The following PTGER3 variants were observed in gnomAD, a reference collection of about 807,000 sequenced individuals.
The protein encoded by PTGER3 is prostaglandin E receptor 3, also known as prostaglandin E2 receptor EP3 subtype.
A neutral mutation model predicts 34.7 loss-of-function variants in PTGER3; 22 were observed. The observed-to-expected ratio is 0.63, with a 90% CI of 0.45 to 0.91. The LOEUF (loss-of-function observed/expected upper bound fraction) is 0.91, where lower values mean the gene tolerates loss of function less well. PTGER3 is among the 40% of genes least tolerant of loss of function. The pLI, the probability that PTGER3 is intolerant of heterozygous loss-of-function variation, is 0.00. For synonymous variants in PTGER3, 241 were observed against 230.1 expected (o/e 1.05, Z -0.43); for missense variants, 468 against 519.4 (o/e 0.90, Z 0.96).
At chr1:70,903,484 T>C (rs1646882614) in intron 4 of PTGER3, among the ~76,000 whole-genome samples, 1 of 152,198 alleles carries the variant, frequency 6.6e-6, no homozygotes, top group South Asian at 2.1e-4. Context: ...TAGGTAGCTA[T>C]TATGGTTTCT....
At chr1:70,961,594 A>G (rs924664684) in intron 2 of PTGER3, among the ~76,000 whole-genome samples, 1 of 152,098 alleles carries the variant, frequency 6.6e-6, no homozygotes, top group Non-Finnish European at 1.5e-5. Context: ...ACTCTTTCTT[A>G]TCATACAACA....
chr1:70,865,684 C>G, intron 4 of PTGER3: 1 of 1,366,246 alleles, frequency 7.3e-7, no homozygotes, highest in South Asian at 1.1e-5. Context: ...GGAGTCTTTA[C>G]TTACTAAGAA....
chr1:70,864,889 C>A (rs1165609512), intron 4 of PTGER3, among the ~76,000 whole-genome samples: 2 of 152,260 alleles, frequency 1.3e-5, no homozygotes, highest in Non-Finnish European at 2.9e-5. Flanking sequence ...TTTTTCCTAA[C>A]TCCTAAGCTA....
At chr1:70,968,535 C>A (rs1227541469), downstream of PTGER3, among the ~76,000 whole-genome samples, 1 of 151,858 alleles carries the variant, frequency 6.6e-6, no homozygotes, top group African/African-American at 2.4e-5. Flanking sequence ...TGTTAAAAAC[C>A]AGTGTTTTGC....
intron 2 of PTGER3, among the ~76,000 whole-genome samples, chr1:70,963,570 T>A (rs575646284): frequency 8.5e-5 from 13 of 152,310 alleles, no homozygotes; most frequent in African/African-American, 3.1e-4. Flanking sequence ...GCCCAGGGCC[T>A]GCGCCCTCCG....
intron 4 of PTGER3, among the ~76,000 whole-genome samples, chr1:70,923,065 T>G (rs1647702821): frequency 6.6e-6 from 1 of 152,202 alleles, no homozygotes; most frequent in African/African-American, 2.4e-5. Context: ...CTGATTAAGA[T>G]TGAATATATT....
chr1:70,906,232 A>C (rs1646945331), intron 4 of PTGER3, among the ~76,000 whole-genome samples: 1 of 152,228 alleles, frequency 6.6e-6, no homozygotes, highest in Admixed American at 6.5e-5. Context: ...GCGTGAAAGC[A>C]GACTAATACA....
chr1:70,991,325 C>T (rs913610110), intron 2 of PTGER3, among the ~76,000 whole-genome samples: 3 of 152,174 alleles, frequency 2.0e-5, no homozygotes, highest in Non-Finnish European at 4.4e-5. Context: ...CCACTATCCC[C>T]GAGGCTGACT....
chr1:70,991,570 C>T (rs1467739532), intron 2 of PTGER3, among the ~76,000 whole-genome samples: 1 of 152,160 alleles, frequency 6.6e-6, no homozygotes, highest in Non-Finnish European at 1.5e-5. Context: ...CATTCCGTGC[C>T]TCAGTCTCTG....
chr1:70,866,840 G>C (rs573288962), intron 4 of PTGER3, among the ~76,000 whole-genome samples: 41 of 152,278 alleles, frequency 2.7e-4, no homozygotes, highest in African/African-American at 9.6e-4. Context: ...CAGGCAGCGG[G>C]ATAGGGGGTG....
chr1:70,920,005 G>A (rs1647374944), intron 4 of PTGER3, among the ~76,000 whole-genome samples: 1 of 152,082 alleles, frequency 6.6e-6, no homozygotes, highest in South Asian at 2.1e-4. Flanking sequence ...ACTGGGGCAA[G>A]CCTGGCTCAC....
chr1:71,030,710 C>T (rs752572238), intron 1 of PTGER3, among the ~76,000 whole-genome samples: 1 of 152,128 alleles, frequency 6.6e-6, no homozygotes, highest in African/African-American at 2.4e-5. Flanking sequence ...TCACCTTCTA[C>T]GGGATTTTTC....
chr1:70,921,713 T>G (rs1300718621), intron 4 of PTGER3, among the ~76,000 whole-genome samples: 1 of 152,168 alleles, frequency 6.6e-6, no homozygotes, highest in Non-Finnish European at 1.5e-5. Context: ...TGTATGTCCT[T>G]GGGAGCTTGA....
intron 4 of PTGER3, among the ~76,000 whole-genome samples, chr1:70,924,296 C>T (rs1022616566): frequency 6.6e-6 from 1 of 152,052 alleles, no homozygotes; most frequent in Non-Finnish European, 1.5e-5. Flanking sequence ...TATAATAAAG[C>T]AAATCAATCT....
At chr1:70,855,759 T>C (rs1167422899) in intron 4 of PTGER3, among the ~76,000 whole-genome samples, 1 of 152,184 alleles carries the variant, frequency 6.6e-6, no homozygotes, top group East Asian at 1.9e-4. Context: ...GTAATAGCAG[T>C]AGCCAACTGG....
At chr1:71,028,574 T>C (rs1224212995) in intron 1 of PTGER3, among the ~76,000 whole-genome samples, 5 of 152,212 alleles carry the variant, frequency 3.3e-5, no homozygotes, top group African/African-American at 1.2e-4. Flanking sequence ...TGTTTTTTAT[T>C]TTTTACTATG....
chr1:70,854,511 G>A (rs1345532126), intron 4 of PTGER3, among the ~76,000 whole-genome samples: 1 of 152,162 alleles, frequency 6.6e-6, no homozygotes, highest in Admixed American at 6.5e-5. Context: ...GGCCTGGTGG[G>A]AGATGATTGC....
intron 4 of PTGER3, among the ~76,000 whole-genome samples, chr1:70,894,627 T>C (rs543571815): frequency 6.6e-6 from 1 of 152,214 alleles, no homozygotes; most frequent in Non-Finnish European, 1.5e-5. Context: ...AATGAAGTGC[T>C]ATTATGGATA....
intron 2 of PTGER3, chr1:71,005,817 G>C: frequency 1.1e-6 from 1 of 948,222 alleles, no homozygotes; most frequent in Non-Finnish European, 1.3e-6. Context: ...TTACCAGCAT[G>C]ATGGTGGAAA....
Sources: gnomAD v4.1 joint callset for allele counts (sites outside exome capture counted in the v4.1 genomes callset) on GRCh38, gnomAD v4.1.1 for gene constraint, MANE v1.5 for transcripts, NCBI Gene and HGNC (gene_info 2026-07-23, HGNC 2026-07-21) for gene names.